The following UNC13C variants were observed in gnomAD, a reference collection of about 807,000 sequenced individuals.
The protein encoded by UNC13C is protein unc-13 homolog C.
In UNC13C, 174 loss-of-function variants were observed where a neutral mutation model predicts 245.4. The ratio of observed to expected loss-of-function variants is 0.71; its 90% CI spans 0.63 to 0.80. The LOEUF is 0.80. Among genes scored for constraint, UNC13C ranks in the 30% least tolerant of loss-of-function variants. The pLI, the probability that UNC13C is intolerant of heterozygous loss-of-function variation, is 0.00. For missense variants in UNC13C, 2,829 were observed against 2,602.9 expected (o/e 1.09, Z -1.89); for synonymous variants, 992 against 895.1 (o/e 1.11, Z -1.93).
chr15:54,302,245 A>G (rs148336229), intron 13 of UNC13C, among the ~76,000 whole-genome samples: 11,032 of 151,990 alleles, frequency 0.073, 459 homozygotes, highest in Admixed American at 0.12. Context: ...TAGGTTGCCT[A>G]TTCACTCTGA....
chr15:54,496,474 A>G (rs1182603422), intron 20 of UNC13C, among the ~76,000 whole-genome samples: 1 of 152,106 alleles, frequency 6.6e-6, no homozygotes, highest in East Asian at 1.9e-4. Flanking sequence ...AAGAAGTCAT[A>G]TACAAAAAAG....
the UNC13C span, among the ~76,000 whole-genome samples, chr15:53,937,250 A>G: frequency 1.0e-4 from 15 of 148,430 alleles, no homozygotes; most frequent in African/African-American, 3.5e-4. Flanking sequence ...ACAAGTATCA[A>G]TAGCAGAATA....
At position 54,538,133 on chromosome 15, in the gene UNC13C, C is replaced by CAAAAAAAAAAAAAAAAAAAAAAAAAAAA. The variant is rs56041311; in HGVS notation, c.5696+5071_5696+5098dup. ...TAAGGAGCTTAAATACATTAACAAG[C>CAAAAAAAAAAAAAAAAAAAAAAAAAAAA]AAAAAAAAAAAAAAAAAAAAAAAAA... On this transcript the variant is annotated intron_variant, in intron 26 of 32. Coordinates refer to ENST00000260323, the MANE Select transcript of UNC13C (RefSeq NM_001080534.3). Among the ~76,000 whole-genome samples the CAAAAAAAAAAAAAAAAAAAAAAAAAAAA allele has an allele frequency of 6.8e-4, 7 of 10,248 alleles. 1 individual carries two copies. The highest frequency in any genetic ancestry group is 5.2e-3 in the Admixed American group (2 of 382). The allele number at this position is 10,248 out of a possible 152,430, so 6.7% of individuals were successfully genotyped here. A position where few individuals can be genotyped will look rare whatever the true frequency, so the allele number is the denominator to read the frequency against.
At chr15:54,417,167 A>G (rs1261972666) in intron 19 of UNC13C, 3 of 350,356 alleles carry the variant, frequency 8.6e-6, no homozygotes, top group East Asian at 1.5e-4. Flanking sequence ...TTACCAACAT[A>G]TCTACATTGC....
intron 2 of UNC13C, among the ~76,000 whole-genome samples, chr15:54,123,206 T>C (rs1390866890): frequency 6.6e-6 from 1 of 151,930 alleles, no homozygotes; most frequent in Non-Finnish European, 1.5e-5. Flanking sequence ...ATATTGAGTA[T>C]CTTTAGGTGT....
intron 2 of UNC13C, among the ~76,000 whole-genome samples, chr15:54,078,585 C>T (rs1442956854): frequency 4.6e-5 from 7 of 151,916 alleles, no homozygotes; most frequent in South Asian, 2.1e-4. Flanking sequence ...TTAGTGATGT[C>T]GAGCATTTTC....
the UNC13C span, among the ~76,000 whole-genome samples, chr15:53,859,873 A>G: frequency 6.6e-6 from 1 of 152,082 alleles, no homozygotes; most frequent in South Asian, 2.1e-4. Flanking sequence ...TGTTTTCTCT[A>G]ACGGTTTTGG....
chr15:54,070,999 A>G (rs914003164), intron 2 of UNC13C, among the ~76,000 whole-genome samples: 1 of 152,180 alleles, frequency 6.6e-6, no homozygotes, highest in African/African-American at 2.4e-5. Flanking sequence ...TTGGAAAGGC[A>G]GTTTTTTTAA....
intron 4 of UNC13C, among the ~76,000 whole-genome samples, chr15:54,196,478 T>G (rs2034358086): frequency 1.3e-5 from 2 of 152,300 alleles, no homozygotes; most frequent in South Asian, 2.1e-4. Flanking sequence ...CTCCAAGTTA[T>G]TTTATGAAAC....
At chr15:54,387,095 A>G (rs1465883315) in intron 17 of UNC13C, among the ~76,000 whole-genome samples, 5 of 152,146 alleles carry the variant, frequency 3.3e-5, no homozygotes, top group Non-Finnish European at 7.4e-5. Flanking sequence ...GGGCCCAGAC[A>G]AGGAGTGTTC....
At chr15:54,039,510 C>A (rs1353464660) in intron 2 of UNC13C, among the ~76,000 whole-genome samples, 2 of 152,322 alleles carry the variant, frequency 1.3e-5, no homozygotes, top group South Asian at 2.1e-4. Context: ...TCCCTCCACA[C>A]AGATATTTCT....
At chr15:54,085,008 AT>A (rs1899156655) in intron 2 of UNC13C, among the ~76,000 whole-genome samples, 1 of 152,180 alleles carries the variant, frequency 6.6e-6, no homozygotes, top group Non-Finnish European at 1.5e-5. Context: ...ATAAAAATTT[AT>A]TTTTATAGAA....
intron 1 of UNC13C, among the ~76,000 whole-genome samples, chr15:53,988,347 T>G (rs1375168769): frequency 6.6e-6 from 1 of 151,948 alleles, no homozygotes; most frequent in Non-Finnish European, 1.5e-5. Flanking sequence ...GGATGATATG[T>G]ATTATTATTG....
intron 2 of UNC13C, among the ~76,000 whole-genome samples, chr15:54,140,912 A>G (rs932674594): frequency 3.9e-5 from 6 of 152,158 alleles, no homozygotes; most frequent in Admixed American, 2.0e-4. Flanking sequence ...GTCAAAGTGA[A>G]CAAAAAAGGT....
chr15:53,981,585 T>G (rs1893929216), intron 1 of UNC13C, among the ~76,000 whole-genome samples: 1 of 152,200 alleles, frequency 6.6e-6, no homozygotes, highest in Admixed American at 6.5e-5. Context: ...TTAAGTTGTC[T>G]GTGGTTGGAT....
intron 19 of UNC13C, among the ~76,000 whole-genome samples, chr15:54,475,912 A>C (rs1892713861): frequency 9.0e-6 from 1 of 110,822 alleles, no homozygotes; most frequent in Admixed American, 9.2e-5. Flanking sequence ...GAACTAGTTT[A>C]CAGTCCCACC....
chr15:54,077,370 TCTTTTC>T (rs1898684756), intron 2 of UNC13C, among the ~76,000 whole-genome samples: 2 of 98,708 alleles, frequency 2.0e-5, no homozygotes, highest in South Asian at 8.5e-4. Flanking sequence ...TCTTTTCTTT[TCTTTTC>T]TTTTTTTTTT....
At chr15:54,078,667 A>G (rs750381567) in intron 2 of UNC13C, among the ~76,000 whole-genome samples, 1 of 151,972 alleles carries the variant, frequency 6.6e-6, no homozygotes, top group Non-Finnish European at 1.5e-5. Flanking sequence ...CCACCTTTTA[A>G]TGGAGTTGTT....
At chr15:54,443,613 A>C (rs1890650234) in intron 19 of UNC13C, among the ~76,000 whole-genome samples, 1 of 151,930 alleles carries the variant, frequency 6.6e-6, no homozygotes, top group South Asian at 2.1e-4. Context: ...TTCTATTTTT[A>C]TTTGTTTCAA....
Sources: allele counts gnomAD v4.1 joint callset (sites outside exome capture counted in the v4.1 genomes callset), GRCh38; gene constraint gnomAD v4.1.1; transcripts MANE v1.5; gene names NCBI Gene and HGNC (gene_info 2026-07-23, HGNC 2026-07-21).